The following FMNL3 variants were observed in gnomAD, a reference collection of about 807,000 sequenced individuals.
The protein encoded by FMNL3 is formin like 3.
In FMNL3, 57 loss-of-function variants were observed where a neutral mutation model predicts 119.6. That is an observed-to-expected ratio of 0.48 (90% CI 0.39 to 0.59). The LOEUF is 0.59. Ranked by LOEUF, FMNL3 falls within the 20% of genes least tolerant of loss-of-function variation. The pLI, the probability that FMNL3 is intolerant of heterozygous loss-of-function variation, is 0.00. For missense variants in FMNL3, 1,053 were observed against 1,323.5 expected (o/e 0.80, Z 3.17); for synonymous variants, 491 against 507.3 (o/e 0.97, Z 0.43).
At chr12:49,677,222 G>C (rs1186106595) in intron 1 of FMNL3, among the ~76,000 whole-genome samples, 1 of 152,158 alleles carries the variant, frequency 6.6e-6, no homozygotes, top group Non-Finnish European at 1.5e-5. Context: ...ACTTTTAAAT[G>C]TGTTCATGGA....
intron 1 of FMNL3, among the ~76,000 whole-genome samples, chr12:49,681,207 A>T (rs994028495): frequency 1.3e-5 from 2 of 152,198 alleles, no homozygotes; most frequent in Non-Finnish European, 2.9e-5. Context: ...GTAGCATTTT[A>T]TTTTATTTTT....
Position 49,642,529 on chromosome 12 carries a change from G to T in FMNL3, c.*3286C>A, listed in dbSNP as rs1942810887. On this transcript the variant is annotated 3_prime_UTR_variant, in exon 26 of 26. Coordinates refer to ENST00000335154, the MANE Select transcript of FMNL3 (RefSeq NM_175736.5). The surrounding 1 kb of genome is among the most constrained non-coding windows in gnomAD (Gnocchi z 5.8). Reference sequence around the variant, plus strand: ...TGCCCTGTGCTCATGGCGGTGTCCAGGCCAGGCTGAGTGGGGCCTAGTCTG... The same window carrying T: ...TGCCCTGTGCTCATGGCGGTGTCCATGCCAGGCTGAGTGGGGCCTAGTCTG... 1.2e-6 allele frequency: 2 copies of T among 1,606,048 alleles called. No homozygotes were observed. The highest frequency in any genetic ancestry group is 3.3e-5 in the Admixed American group (2 of 59,792).
intron 1 of FMNL3, among the ~76,000 whole-genome samples, chr12:49,698,212 G>A (rs1486837244): frequency 6.6e-6 from 1 of 152,122 alleles, no homozygotes; most frequent in Non-Finnish European, 1.5e-5. Flanking sequence ...TTCCCTGTTG[G>A]TGTGTATAAG....
intron 1 of FMNL3, among the ~76,000 whole-genome samples, chr12:49,685,107 G>A (rs991876982): frequency 1.3e-5 from 2 of 152,184 alleles, no homozygotes; most frequent in Non-Finnish European, 2.9e-5. Context: ...TACCACCCCA[G>A]AGTTCAATAA....
At chr12:49,655,394 T>C (rs1365640382) in intron 9 of FMNL3, among the ~76,000 whole-genome samples, 1 of 152,178 alleles carries the variant, frequency 6.6e-6, no homozygotes, top group South Asian at 2.1e-4. Flanking sequence ...ATTGTGCCAC[T>C]GCACTCCAGC....
In FMNL3 at chr12:49,649,935, A is replaced by G. The variant is rs760268197; in HGVS notation, c.2001-10T>C. The G allele has an allele frequency of 2.5e-6, 4 of 1,607,914 alleles. No individual in the cohort carries two copies. Among genetic ancestry groups the G allele is most frequent in the Non-Finnish European group, 3.4e-6 (4 of 1,175,904 alleles). ...TGTCTGCAAGTCAAACCTGTGGAGG[A>G]GGGAGGGACCACCTCAGTTCTCACA... On this transcript the variant is annotated splice_polypyrimidine_tract_variant and intron_variant, in intron 17 of 25. Transcript: ENST00000335154. This position sits in a 1 kb window ranked among gnomAD's most constrained non-coding sequence, Gnocchi z 5.6.
chr12:49,697,670 A>C (rs1944786991), intron 1 of FMNL3, among the ~76,000 whole-genome samples: 1 of 152,202 alleles, frequency 6.6e-6, no homozygotes. Context: ...CTGAGACGAG[A>C]TAAAGTGGGT....
In FMNL3 at chr12:49,637,933, G is replaced by C. The variant is rs1472675355; in HGVS notation, c.*7882C>G. On this transcript the variant is annotated 3_prime_UTR_variant, in exon 26 of 26. Transcript: ENST00000335154. ...TGCAGAAGCATTACAGCTTGGTTCAGCAGATATCTACTGTGATCCTTTACT... is the reference window on the plus strand; with the variant it reads ...TGCAGAAGCATTACAGCTTGGTTCACCAGATATCTACTGTGATCCTTTACT... 2 of 846,982 alleles carry C rather than the reference G, an allele frequency of 2.4e-6. No homozygotes were observed. The highest frequency in any genetic ancestry group is 3.3e-5 in the African/African-American group (2 of 60,474). The allele number at this position is 846,982 out of a possible 1,614,324, so 52.5% of individuals were successfully genotyped here.
In FMNL3 at chr12:49,649,117, A is replaced by C; in HGVS notation, c.2427T>G (p.Leu809=). The C allele has an allele frequency of 7.4e-6, 12 of 1,613,818 alleles. No homozygotes were observed. Among genetic ancestry groups the C allele is most frequent in the Non-Finnish European group, 1.0e-5 (12 of 1,179,810 alleles). The change falls in exon 21 of 26, where the codon CTT becomes CTG. Residue 809 remains leucine (L), a synonymous_variant. Coordinates refer to ENST00000335154, the MANE Select transcript of FMNL3 (RefSeq NM_175736.5). The surrounding 1 kb of genome is among the most constrained non-coding windows in gnomAD (Gnocchi z 5.6). The part of the protein sequence containing the change: ...TKSTDRKMTL[L]HFIALTVKEK... ...CCTTCACTGTCAAGGCGATGAAATG[A>C]AGCAGTGTCATCTTCCGGTCAGTGG...
In FMNL3 at chr12:49,649,640, G is replaced by T. The variant is rs566753806; in HGVS notation, c.2235+51C>A. The T allele has an allele frequency of 3.1e-6, 5 of 1,610,816 alleles. No homozygotes were observed. The Admixed American group carries it at 8.3e-5, about 27-fold the overall frequency. ...AGGGCAGGGGAGGTGACTAGCAGAT[G>T]GAGGGTGGAGGGACAGCTGTCCAGA... On this transcript the variant is annotated intron_variant, in intron 18 of 25. Transcript: ENST00000335154. This position sits in a 1 kb window ranked among gnomAD's most constrained non-coding sequence, Gnocchi z 5.6.
rs1459771696 is a variant in FMNL3 at position 49,638,468 on chromosome 12, C to T, written c.*7347G>A. The T allele has an allele frequency of 3.3e-5, 5 of 152,176 alleles. No homozygotes were observed. The highest frequency in any genetic ancestry group is 4.4e-5 in the Non-Finnish European group (3 of 68,036). The allele number at this position is 152,176 out of a possible 1,614,324, so 9.4% of individuals were successfully genotyped here. On this transcript the variant is annotated 3_prime_UTR_variant, in exon 26 of 26. Coordinates refer to ENST00000335154, the MANE Select transcript of FMNL3 (RefSeq NM_175736.5). The stretch of plus-strand genomic sequence containing the variant: ...TTCCTTAGTGCCTTCTTGATACTGT[C>T]GCAAGTGTCAGCTGCCATTTACCAT...
intron 1 of FMNL3, among the ~76,000 whole-genome samples, chr12:49,694,342 A>T (rs747701127): frequency 1.3e-5 from 2 of 152,206 alleles, no homozygotes; most frequent in Non-Finnish European, 2.9e-5. Context: ...CAGTAAATTT[A>T]AGCAAGGAGT....
intron 6 of FMNL3, among the ~76,000 whole-genome samples, chr12:49,657,894 TC>T (rs1943618129): frequency 6.6e-6 from 1 of 151,990 alleles, no homozygotes; most frequent in South Asian, 2.1e-4. Context: ...ATCCAGTCCA[TC>T]CGCCTACCTC....
At chr12:49,690,856 G>C (rs1944582669) in intron 1 of FMNL3, among the ~76,000 whole-genome samples, 1 of 152,210 alleles carries the variant, frequency 6.6e-6, no homozygotes, top group Admixed American at 6.5e-5. Flanking sequence ...ACCAGCCTGG[G>C]TAACATGGTG....
intron 25 of FMNL3, chr12:49,646,647 C>A: frequency 6.5e-7 from 1 of 1,527,948 alleles, no homozygotes; most frequent in Non-Finnish European, 8.8e-7. Context: ...ACCTGTCGGG[C>A]CCCAACCTTG....
In FMNL3 at chr12:49,649,694, T is replaced by C; in HGVS notation, c.2232A>G (p.Thr744=). ...ATGAGTTGGGTGGGGGCTGTACCGG[T>C]GTGAGCATCTGCAGGTTATCCTGGA... ...GNFQDNLQML[T]PQLNAIIAAS... The change falls in exon 18 of 26, where the codon ACA becomes ACG. Residue 744 remains threonine, a synonymous_variant. Transcript: ENST00000335154. The surrounding 1 kb of genome is among the most constrained non-coding windows in gnomAD (Gnocchi z 5.6). 6.2e-7 allele frequency: 1 copy of C among 1,613,964 alleles called. No individual in the cohort carries two copies. Among genetic ancestry groups the C allele is most frequent in the Non-Finnish European group, 8.5e-7 (1 of 1,179,966 alleles).
chr12:49,702,341 G>A (rs1050803254), intron 1 of FMNL3, among the ~76,000 whole-genome samples: 2 of 152,034 alleles, frequency 1.3e-5, no homozygotes, highest in African/African-American at 4.8e-5. Context: ...TCAAAACATT[G>A]TATAAAACTC....
intron 25 of FMNL3, 84 bp from the exon 26 acceptor site, chr12:49,645,987 C>T: frequency 8.3e-7 from 1 of 1,202,166 alleles, no homozygotes; most frequent in Non-Finnish European, 1.2e-6. Context: ...CAGGTAGGGC[C>T]AGGGAGGAGC....
intron 1 of FMNL3, among the ~76,000 whole-genome samples, chr12:49,686,383 C>T (rs1371412244): frequency 1.3e-5 from 2 of 151,812 alleles, no homozygotes; most frequent in Middle Eastern, 3.4e-3. Context: ...AGACCAATAC[C>T]ATCCTAGCTA....
Sources: gnomAD v4.1 joint callset for allele counts (sites outside exome capture counted in the v4.1 genomes callset) on GRCh38, gnomAD v4.1.1 for gene constraint, Gnocchi (gnomAD v3.1) non-coding constraint, MANE v1.5 for transcripts, NCBI Gene and HGNC (gene_info 2026-07-23, HGNC 2026-07-21) for gene names.